RPSA2: variants seen among roughly 807,000 people sequenced by gnomAD.
The protein encoded by RPSA2 is ribosomal protein SA 2.
the RPSA2 span, among the ~76,000 whole-genome samples, chr19:23,785,667 A>G: frequency 1.0e-5 from 1 of 95,650 alleles, no homozygotes; most frequent in African/African-American, 4.0e-5. Context: ...CTCAGGAAAG[A>G]TTGTGATGTA....
At chr19:23,853,563 G>A in the RPSA2 span, among the ~76,000 whole-genome samples, 1 of 152,248 alleles carries the variant, frequency 6.6e-6, no homozygotes, top group African/African-American at 2.4e-5. Flanking sequence ...AAGGGATAAC[G>A]TAAACCATCC....
the RPSA2 span, among the ~76,000 whole-genome samples, chr19:23,762,262 C>A: frequency 2.6e-5 from 4 of 151,948 alleles, no homozygotes; most frequent in Admixed American, 6.6e-5. Context: ...GGCTGCCTCC[C>A]ACCCCCGCCT....
chr19:23,797,550 A>G, the RPSA2 span, among the ~76,000 whole-genome samples: 3 of 152,056 alleles, frequency 2.0e-5, no homozygotes, highest in African/African-American at 7.2e-5. Flanking sequence ...CTTTTTGTTG[A>G]ATTATATTTT....
the RPSA2 span, among the ~76,000 whole-genome samples, chr19:23,866,640 G>A: frequency 6.6e-6 from 1 of 151,402 alleles, no homozygotes; most frequent in Non-Finnish European, 1.5e-5. Context: ...ATGAGAAGGA[G>A]GCCTGGACCC....
the RPSA2 span, among the ~76,000 whole-genome samples, chr19:23,768,690 C>T: frequency 1.4e-5 from 2 of 145,994 alleles, no homozygotes; most frequent in East Asian, 4.1e-4. Context: ...CAGGTTCAAG[C>T]GATTCTCCTG....
At chr19:23,832,197 G>C in the RPSA2 span, 1 of 425,492 alleles carries the variant, frequency 2.4e-6, no homozygotes, top group Non-Finnish European at 4.7e-6. Context: ...GATATAAGAG[G>C]ATGCACAGAA....
At chr19:23,844,771 T>C in the RPSA2 span, among the ~76,000 whole-genome samples, 24 of 151,914 alleles carry the variant, frequency 1.6e-4, no homozygotes, top group Admixed American at 1.1e-3. Context: ...AGCAGGGTGG[T>C]ACTGACCTGA....
the RPSA2 span, among the ~76,000 whole-genome samples, chr19:23,866,653 G>A: frequency 6.6e-6 from 1 of 151,920 alleles, no homozygotes; most frequent in Non-Finnish European, 1.5e-5. Context: ...CTGGACCCAG[G>A]CCCCTCAAGC....
chr19:23,807,648 C>CAGAGTT, the RPSA2 span, among the ~76,000 whole-genome samples: 1 of 151,750 alleles, frequency 6.6e-6, no homozygotes, highest in African/African-American at 2.4e-5. Flanking sequence ...TCTCTTTTCT[C>CAGAGTT]AGAGTTAGAG....
the RPSA2 span, among the ~76,000 whole-genome samples, chr19:23,815,473 G>A: frequency 2.0e-5 from 3 of 152,086 alleles, no homozygotes; most frequent in Non-Finnish European, 4.4e-5. Flanking sequence ...CCTCATACTT[G>A]CTCTGTCTGT....
At chr19:23,863,621 T>C in the RPSA2 span, among the ~76,000 whole-genome samples, 1 of 150,506 alleles carries the variant, frequency 6.6e-6, no homozygotes, top group Admixed American at 6.6e-5. Context: ...TATAAGCATG[T>C]CATAGTTTCT....
At chr19:23,785,866 T>C in the RPSA2 span, among the ~76,000 whole-genome samples, 1 of 152,188 alleles carries the variant, frequency 6.6e-6, no homozygotes, top group East Asian at 1.9e-4. Context: ...GGTCTCCTTT[T>C]TTGTACAAAG....
the RPSA2 span, among the ~76,000 whole-genome samples, chr19:23,830,305 C>T: frequency 6.6e-6 from 1 of 152,148 alleles, no homozygotes; most frequent in African/African-American, 2.4e-5. Flanking sequence ...CCACCACACC[C>T]AGCTAATTTT....
the RPSA2 span, chr19:23,808,873 C>G: frequency 2.2e-6 from 1 of 461,278 alleles, no homozygotes; most frequent in Non-Finnish European, 3.8e-6. Context: ...AAGAAGAAAG[C>G]AAGTCTTTAA....
the RPSA2 span, among the ~76,000 whole-genome samples, chr19:23,853,921 A>G: frequency 1.9e-3 from 296 of 152,344 alleles, 1 homozygote; most frequent in African/African-American, 2.9e-3. Flanking sequence ...TAGAGGAAAT[A>G]ATAGAAACAT....
chr19:23,812,991 G>A, the RPSA2 span, among the ~76,000 whole-genome samples: 1 of 152,242 alleles, frequency 6.6e-6, no homozygotes, highest in East Asian at 1.9e-4. Flanking sequence ...GATTTTGAGA[G>A]GCCAGGACAG....
the RPSA2 span, among the ~76,000 whole-genome samples, chr19:23,848,439 T>G: frequency 6.6e-6 from 1 of 152,216 alleles, no homozygotes; most frequent in Non-Finnish European, 1.5e-5. Context: ...ATGGAGCCCC[T>G]GGTAGACTTA....
At chr19:23,845,358 T>G in the RPSA2 span, among the ~76,000 whole-genome samples, 2 of 151,782 alleles carry the variant, frequency 1.3e-5, no homozygotes, top group Non-Finnish European at 2.9e-5. Flanking sequence ...GTCCTTAACA[T>G]GTAAGCTTTC....
At chr19:23,858,672 C>T in the RPSA2 span, among the ~76,000 whole-genome samples, 1 of 152,132 alleles carries the variant, frequency 6.6e-6, no homozygotes, top group Non-Finnish European at 1.5e-5. Flanking sequence ...TAAATGCCAG[C>T]AGCTGTGCCA....
Sources: allele counts gnomAD v4.1 joint callset (sites outside exome capture counted in the v4.1 genomes callset), GRCh38; gene constraint gnomAD v4.1.1; transcripts MANE v1.5; gene names NCBI Gene and HGNC (gene_info 2026-07-23, HGNC 2026-07-21).